THSD7B: variants seen among roughly 807,000 people sequenced by gnomAD.
The protein encoded by THSD7B is thrombospondin type 1 domain containing 7B.
In THSD7B, 138 loss-of-function variants were observed where a neutral mutation model predicts 213.6. The observed-to-expected ratio is 0.65, with a 90% CI of 0.56 to 0.74. THSD7B has a LOEUF of 0.74. Among genes scored for constraint, THSD7B ranks in the 30% least tolerant of loss-of-function variants. THSD7B has a pLI of 0.00. For synonymous variants in THSD7B, 742 were observed against 687.0 expected, an observed-to-expected ratio of 1.08 and a Z score of -1.25; for missense variants, 1,931 against 1,991.5, an observed-to-expected ratio of 0.97 and a Z score of 0.58.
chr2:137,545,961 A>AT (rs1386052559), intron 15 of THSD7B, among the ~76,000 whole-genome samples: 1 of 151,622 alleles, frequency 6.6e-6, no homozygotes, highest in Non-Finnish European at 1.5e-5. Flanking sequence ...TTAGAAGCTT[A>AT]TTTTTTAAAT....
intron 3 of THSD7B, among the ~76,000 whole-genome samples, chr2:137,082,025 C>T (rs936345219): frequency 8.5e-5 from 13 of 152,108 alleles, no homozygotes; most frequent in African/African-American, 2.9e-4. Context: ...ATATGATTAT[C>T]CATGACTGCC....
intron 21 of THSD7B, among the ~76,000 whole-genome samples, chr2:137,646,583 C>T (rs1001945338): frequency 3.3e-5 from 5 of 149,498 alleles, no homozygotes; most frequent in Non-Finnish European, 4.4e-5. Context: ...ACCTGGGAGG[C>T]GGAGGTTGGA....
chr2:137,325,062 T>C (rs1004729042), intron 12 of THSD7B, among the ~76,000 whole-genome samples: 2 of 152,252 alleles, frequency 1.3e-5, no homozygotes, highest in African/African-American at 4.8e-5. Context: ...GTGCGTCTAT[T>C]CGAGATGTTG....
intron 3 of THSD7B, among the ~76,000 whole-genome samples, chr2:137,084,157 A>T (rs1027302359): frequency 6.6e-6 from 1 of 152,150 alleles, no homozygotes; most frequent in East Asian, 1.9e-4. Context: ...ACATGGTTGT[A>T]GCAAAGCTTT....
intron 14 of THSD7B, among the ~76,000 whole-genome samples, chr2:137,420,072 G>A (rs1002281633): frequency 2.6e-5 from 4 of 152,136 alleles, no homozygotes; most frequent in East Asian, 1.9e-4. Flanking sequence ...AACAGTGTAC[G>A]AGGGTTCCCC....
intron 2 of THSD7B, among the ~76,000 whole-genome samples, chr2:137,015,376 A>G (rs1047694138): frequency 1.3e-5 from 2 of 152,114 alleles, no homozygotes; most frequent in African/African-American, 4.8e-5. Context: ...CAGTCATGCC[A>G]CAATCCTGGG....
intron 2 of THSD7B, among the ~76,000 whole-genome samples, chr2:136,907,857 A>G (rs918434223): frequency 1.3e-5 from 2 of 152,234 alleles, no homozygotes; most frequent in African/African-American, 4.8e-5. Context: ...TGGAAAATAA[A>G]TGTCACCAAC....
Position 137,205,345 on chromosome 2 carries a change from A to G in THSD7B, c.1724-25699A>G, listed in dbSNP as rs565414515. 5.3e-5 allele frequency among the ~76,000 whole-genome samples: 8 copies of G among 152,200 alleles called. No individual in the cohort carries two copies. In the South Asian group the frequency reaches 1.7e-3, roughly 32 times the overall value. ...GAATCCCAAAGATTCTCCTACCACA[A>G]ATGAAGGGAATTTATAAGAAATTCT... On this transcript the variant is annotated intron_variant, in intron 7 of 27. Transcript: ENST00000409968.
rs1241610423 is a variant in THSD7B, at chr2:137,233,076, T to G, written c.2093T>G (p.Ile698Ser). ...WNGEATCGVG[I>S]QTRRVFCVKS... ...GGAGAAGCCACGTGTGGTGTAGGCATTCAGACTCGGAGAGTCTTCTGTGTC... is the reference window on the plus strand; with the variant it reads ...GGAGAAGCCACGTGTGGTGTAGGCAGTCAGACTCGGAGAGTCTTCTGTGTC... The change falls in exon 9 of 28, where the codon ATT becomes AGT. Residue 698 changes from isoleucine (I) to serine (S), a missense_variant. Coordinates refer to ENST00000409968, the MANE Select transcript of THSD7B (RefSeq NM_001316349.2). 4.3e-6 allele frequency: 7 copies of G among 1,613,760 alleles called. No homozygotes were observed. The African/African-American group carries it at 5.3e-5, about 12-fold the overall frequency.
At chr2:137,392,025 T>C (rs1479195256) in intron 12 of THSD7B, among the ~76,000 whole-genome samples, 1 of 152,236 alleles carries the variant, frequency 6.6e-6, no homozygotes, top group Non-Finnish European at 1.5e-5. Flanking sequence ...AAATATGTTG[T>C]TTAATTGCCA....
At chr2:136,835,157 T>G (rs1442174097) in intron 1 of THSD7B, among the ~76,000 whole-genome samples, 1 of 152,210 alleles carries the variant, frequency 6.6e-6, no homozygotes, top group East Asian at 1.9e-4. Context: ...AGCTTAATAT[T>G]TTAAGTAACG....
chr2:137,032,227 G>T (rs1573777817), intron 2 of THSD7B, among the ~76,000 whole-genome samples: 1 of 151,968 alleles, frequency 6.6e-6, no homozygotes, highest in East Asian at 1.9e-4. Context: ...GTAAAGTTGG[G>T]ACATGAAGTT....
rs763285624 is a variant in THSD7B, at chr2:136,991,717, AT to A, written c.140-64701del. On this transcript the variant is annotated intron_variant, in intron 2 of 27. Transcript: ENST00000409968. ...GGAATTAAGGATTCTTGTTGGCCTTATTGTTTGCATTCTGTCCTCATAGCCA... is the reference window on the plus strand; with the variant it reads ...GGAATTAAGGATTCTTGTTGGCCTTATGTTTGCATTCTGTCCTCATAGCCA... 2.0e-5 allele frequency among the ~76,000 whole-genome samples: 3 copies of A among 152,312 alleles called. No homozygotes were observed. The South Asian group carries it at 6.2e-4, about 32-fold the overall frequency.
intron 7 of THSD7B, among the ~76,000 whole-genome samples, chr2:137,189,697 C>A (rs557859281): frequency 1.5e-3 from 222 of 151,902 alleles, no homozygotes; most frequent in Non-Finnish European, 2.6e-3. Flanking sequence ...GTTTTTGTTG[C>A]GATTGCTTTT....
intron 12 of THSD7B, among the ~76,000 whole-genome samples, chr2:137,336,773 G>A (rs947160027): frequency 5.9e-5 from 9 of 152,106 alleles, no homozygotes; most frequent in African/African-American, 9.6e-5. Context: ...CCATTTTATC[G>A]AAGCATTACA....
intron 12 of THSD7B, among the ~76,000 whole-genome samples, chr2:137,278,562 A>G (rs144898567): frequency 1.7e-4 from 26 of 152,284 alleles, no homozygotes; most frequent in African/African-American, 6.0e-4. Context: ...AGATGAATAA[A>G]TCAGTATGCA....
chr2:137,040,055 T>C (rs902035220), intron 2 of THSD7B, among the ~76,000 whole-genome samples: 1 of 152,180 alleles, frequency 6.6e-6, no homozygotes, highest in African/African-American at 2.4e-5. Flanking sequence ...ACTTCTGTAA[T>C]AATCACCCCC....
chr2:136,833,713 A>G (rs1682797126), intron 1 of THSD7B, among the ~76,000 whole-genome samples: 1 of 152,196 alleles, frequency 6.6e-6, no homozygotes, highest in Non-Finnish European at 1.5e-5. Flanking sequence ...GCAAAAGGTC[A>G]AGTAGAATAA....
chr2:137,356,251 C>T (rs747085046), intron 12 of THSD7B, among the ~76,000 whole-genome samples: 11 of 152,250 alleles, frequency 7.2e-5, no homozygotes, highest in South Asian at 2.1e-4. Context: ...TACCTATGCC[C>T]GCTCAGGGCT....
Sources: gnomAD v4.1 joint callset for allele counts (sites outside exome capture counted in the v4.1 genomes callset) on GRCh38, gnomAD v4.1.1 for gene constraint, MANE v1.5 for transcripts, NCBI Gene and HGNC (gene_info 2026-07-23, HGNC 2026-07-21) for gene names.